The following TMEM178B variants were observed in gnomAD, a reference collection of about 807,000 sequenced individuals.
TMEM178B encodes transmembrane protein 178B.
In TMEM178B, 5 loss-of-function variants were observed where a neutral mutation model predicts 31.0. The observed-to-expected ratio is 0.16, with a 90% CI of 0.08 to 0.34. The LOEUF (loss-of-function observed/expected upper bound fraction) is 0.34, where lower values mean the gene tolerates loss of function less well. Among genes scored for constraint, TMEM178B ranks in the 10% least tolerant of loss-of-function variants. TMEM178B has a pLI of 1.00. For missense variants in TMEM178B, 275 were observed against 400.3 expected (o/e 0.69, Z 2.67); for synonymous variants, 164 against 164.0 (o/e 1.00, Z 0.00).
chr7:141,373,095 A>G (rs1379243124), intron 2 of TMEM178B, among the ~76,000 whole-genome samples: 4 of 152,226 alleles, frequency 2.6e-5, no homozygotes, highest in Non-Finnish European at 5.9e-5. Flanking sequence ...TTATATAAAA[A>G]TAGAGTTAAT....
intron 3 of TMEM178B, among the ~76,000 whole-genome samples, chr7:141,447,058 T>C (rs1478628145): frequency 6.6e-6 from 1 of 152,140 alleles, no homozygotes; most frequent in Non-Finnish European, 1.5e-5. Context: ...CAATAAATAC[T>C]GATTGCCTAT....
chr7:141,386,339 A>G (rs946463336), intron 2 of TMEM178B, among the ~76,000 whole-genome samples: 3 of 152,178 alleles, frequency 2.0e-5, no homozygotes, highest in Admixed American at 2.0e-4. Flanking sequence ...ACTCTGAAAT[A>G]TGGGAGAAGT....
intron 1 of TMEM178B, among the ~76,000 whole-genome samples, chr7:141,208,555 A>T (rs1797002383): frequency 6.6e-6 from 1 of 152,210 alleles, no homozygotes; most frequent in Admixed American, 6.5e-5. Flanking sequence ...TTCAAATTTG[A>T]TTGCTGTCAG....
intron 2 of TMEM178B, among the ~76,000 whole-genome samples, chr7:141,276,890 T>A (rs774790829): frequency 1.3e-5 from 2 of 152,224 alleles, no homozygotes; most frequent in Non-Finnish European, 2.9e-5. Flanking sequence ...ACAATAGTAT[T>A]CGTGTATTTA....
intron 2 of TMEM178B, among the ~76,000 whole-genome samples, chr7:141,399,466 G>T (rs777250759): frequency 2.0e-5 from 3 of 152,204 alleles, no homozygotes; most frequent in Non-Finnish European, 4.4e-5. Flanking sequence ...TCCCAGTCTA[G>T]TGCTTTTTTC....
chr7:141,431,086 C>T (rs887784002), intron 2 of TMEM178B: 1 of 152,098 alleles, frequency 6.6e-6, no homozygotes, highest in African/African-American at 2.4e-5. Context: ...GCCATGAATC[C>T]AGCGGTATTG....
chr7:141,310,472 A>C (rs977237148), intron 2 of TMEM178B, among the ~76,000 whole-genome samples: 2 of 152,128 alleles, frequency 1.3e-5, no homozygotes, highest in African/African-American at 4.8e-5. Context: ...GGTTTGTTAC[A>C]TAGGTATACA....
chr7:141,334,793 G>A (rs1017310144), intron 2 of TMEM178B, among the ~76,000 whole-genome samples: 3 of 152,202 alleles, frequency 2.0e-5, no homozygotes, highest in African/African-American at 7.2e-5. Context: ...GTAATTAAAA[G>A]TGTCAGCTCC....
At chr7:141,150,667 C>T (rs892653647) in intron 1 of TMEM178B, among the ~76,000 whole-genome samples, 3 of 152,366 alleles carry the variant, frequency 2.0e-5, no homozygotes, top group South Asian at 4.1e-4. Context: ...GTCCAGCTGA[C>T]AGCTGGGGCT....
At chr7:141,180,968 C>T (rs1796518173) in intron 1 of TMEM178B, among the ~76,000 whole-genome samples, 1 of 152,120 alleles carries the variant, frequency 6.6e-6, no homozygotes, top group African/African-American at 2.4e-5. Flanking sequence ...ATCCATTCAT[C>T]CATCCTCCTC....
Position 141,214,972 on chromosome 7 carries a change from C to T in TMEM178B, c.496+2268C>T, listed in dbSNP as rs374674880. On this transcript the variant is annotated intron_variant, in intron 2 of 3. Transcript: ENST00000565468. The stretch of plus-strand genomic sequence containing the variant: ...TGGGCTGTTAAGCAGAGAGAGGGAA[C>T]ATTTGCCATTTCTGACATCGATGAC... Among the ~76,000 whole-genome samples the T allele has an allele frequency of 4.9e-4, 74 of 152,112 alleles. 1 individual carries two copies. Among genetic ancestry groups the T allele is most frequent in the African/African-American group, 1.7e-3 (72 of 41,388 alleles).
chr7:141,442,472 C>T (rs1801678875), intron 3 of TMEM178B, among the ~76,000 whole-genome samples: 1 of 152,128 alleles, frequency 6.6e-6, no homozygotes, highest in African/African-American at 2.4e-5. Context: ...AAAATCTGAA[C>T]TCCTTACACC....
intron 2 of TMEM178B, among the ~76,000 whole-genome samples, chr7:141,329,156 T>C (rs73737787): frequency 0.094 from 14,315 of 152,154 alleles, 1,452 homozygotes; most frequent in African/African-American, 0.26. Flanking sequence ...ATCTGTTACT[T>C]CCCTCCAGCG....
intron 2 of TMEM178B, among the ~76,000 whole-genome samples, chr7:141,397,478 G>A (rs959799254): frequency 6.6e-6 from 1 of 152,138 alleles, no homozygotes; most frequent in South Asian, 2.1e-4. Context: ...AATGAGCCAT[G>A]GTCTGGATTT....
chr7:141,126,848 C>A (rs1795504734), intron 1 of TMEM178B, among the ~76,000 whole-genome samples: 1 of 147,092 alleles, frequency 6.8e-6, no homozygotes, highest in African/African-American at 2.6e-5. Flanking sequence ...TCTTTGGTAT[C>A]TTCTCAAAGT....
At chr7:141,494,636 G>A in the TMEM178B span, among the ~76,000 whole-genome samples, 5 of 152,218 alleles carry the variant, frequency 3.3e-5, no homozygotes, top group African/African-American at 1.2e-4. Context: ...CAGAACAGTG[G>A]TTCATGCCTA....
Position 141,386,205 on chromosome 7 carries a change from G to C in TMEM178B, c.497-51403G>C, listed in dbSNP as rs911792744. On this transcript the variant is annotated intron_variant, in intron 2 of 3. Transcript: ENST00000565468. ...GTCATGGATTTAATTAGTCCTCCCT[G>C]TTTCCTCCTTCAGCTCCTTTCTCTC... 2.0e-5 allele frequency among the ~76,000 whole-genome samples: 3 copies of C among 152,148 alleles called. No homozygotes were observed. In the South Asian group the frequency reaches 6.2e-4, roughly 32 times the overall value.
chr7:141,127,533 G>A (rs1795519119), intron 1 of TMEM178B, among the ~76,000 whole-genome samples: 1 of 152,172 alleles, frequency 6.6e-6, no homozygotes, highest in Non-Finnish European at 1.5e-5. Flanking sequence ...GGCAGAGATT[G>A]GGATGTTGGA....
intron 1 of TMEM178B, among the ~76,000 whole-genome samples, chr7:141,150,782 G>C (rs963487571): frequency 6.6e-6 from 1 of 152,256 alleles, no homozygotes; most frequent in Non-Finnish European, 1.5e-5. Flanking sequence ...AAGACTGGAA[G>C]AAATAAATAG....
Sources: allele counts gnomAD v4.1 joint callset (sites outside exome capture counted in the v4.1 genomes callset), GRCh38; gene constraint gnomAD v4.1.1; transcripts MANE v1.5; gene names NCBI Gene and HGNC (gene_info 2026-07-23, HGNC 2026-07-21).